ADAMTS2: variants seen among roughly 807,000 people sequenced by gnomAD.
ADAMTS2 encodes the protein A disintegrin and metalloproteinase with thrombospondin motifs 2.
A neutral mutation model predicts 123.0 loss-of-function variants in ADAMTS2; 50 were observed. The ratio of observed to expected loss-of-function variants is 0.41; its 90% CI spans 0.32 to 0.51. The LOEUF (loss-of-function observed/expected upper bound fraction) is 0.51, where lower values mean the gene tolerates loss of function less well. ADAMTS2 is among the 20% of genes least tolerant of loss of function. The pLI is 0.35. For synonymous variants in ADAMTS2, 678 were observed against 695.4 expected (o/e 0.98, Z 0.39); for missense variants, 1,494 against 1,705.2 (o/e 0.88, Z 2.18).
At chr5:179,165,282 C>G (rs1367248869) in intron 5 of ADAMTS2, among the ~76,000 whole-genome samples, 1 of 152,202 alleles carries the variant, frequency 6.6e-6, no homozygotes, top group African/African-American at 2.4e-5. Context: ...ATGTATCAAG[C>G]CTGGGAACTG....
intron 5 of ADAMTS2, among the ~76,000 whole-genome samples, chr5:179,171,746 C>T (rs931114347): frequency 6.6e-6 from 1 of 152,154 alleles, no homozygotes; most frequent in African/African-American, 2.4e-5. Context: ...TTTGCTGAGC[C>T]CCACTCTGGG....
chr5:179,113,288 T>G lies in ADAMTS2; in HGVS notation c.*579A>C. ...AGTGGCAGCAACAGCCAGAACCAAG[T>G]CAGCTCCAGGTGGGTGTGGCTGTCA... On this transcript the variant is annotated 3_prime_UTR_variant, in exon 22 of 22. Transcript: ENST00000251582. 6.1e-6 allele frequency: 1 copy of G among 162,710 alleles called. No individual in the cohort carries two copies. The highest frequency in any genetic ancestry group is 1.4e-5 in the Non-Finnish European group (1 of 73,308). The allele number at this position is 162,710 out of a possible 1,614,324, so 10.1% of individuals were successfully genotyped here.
At chr5:179,235,431 A>G (rs990553547) in intron 3 of ADAMTS2, among the ~76,000 whole-genome samples, 6 of 152,240 alleles carry the variant, frequency 3.9e-5, no homozygotes, top group Non-Finnish European at 8.8e-5. Context: ...GCCAGATGCC[A>G]GCCTATGTGT....
intron 17 of ADAMTS2, among the ~76,000 whole-genome samples, chr5:179,127,737 G>T (rs1762883746): frequency 6.6e-6 from 1 of 152,048 alleles, no homozygotes; most frequent in African/African-American, 2.4e-5. Flanking sequence ...CAGGGTCCAT[G>T]CCCCACACAC....
In ADAMTS2 at chr5:179,185,309, C is replaced by T. The variant is rs767658404; in HGVS notation, c.892-4154G>A. Reference sequence around the variant, plus strand: ...TGGGGTTCAGCTTTGGGGATGAGTGCAGAGAAGGGACGGATGTGAGGGATG... The same window carrying T: ...TGGGGTTCAGCTTTGGGGATGAGTGTAGAGAAGGGACGGATGTGAGGGATG... On this transcript the variant is annotated intron_variant, in intron 4 of 21. Coordinates refer to ENST00000251582, the MANE Select transcript of ADAMTS2 (RefSeq NM_014244.5). The surrounding 1 kb of genome is among the most constrained non-coding windows in gnomAD (Gnocchi z 5.9). 3.9e-5 allele frequency among the ~76,000 whole-genome samples: 6 copies of T among 152,082 alleles called. No individual in the cohort carries two copies. Among genetic ancestry groups the T allele is most frequent in the Non-Finnish European group, 8.8e-5 (6 of 68,008 alleles).
At chr5:179,153,758 C>G in intron 8 of ADAMTS2, 135 bp from the exon 9 acceptor site, 1 of 1,339,708 alleles carries the variant, frequency 7.5e-7, no homozygotes, top group Non-Finnish European at 1.0e-6. Flanking sequence ...TGTGCTGCCT[C>G]AGTTTCCCTG....
intron 5 of ADAMTS2, among the ~76,000 whole-genome samples, chr5:179,161,090 T>A (rs1763583639): frequency 6.6e-6 from 1 of 152,134 alleles, no homozygotes. Flanking sequence ...TTTGTTTCTG[T>A]AGCATAACCT....
intron 2 of ADAMTS2, among the ~76,000 whole-genome samples, chr5:179,283,938 G>A (rs1164016021): frequency 8.1e-6 from 1 of 122,766 alleles, no homozygotes; most frequent in Non-Finnish European, 1.7e-5. Flanking sequence ...ACAATAAATG[G>A]TCAGATGATT....
chr5:179,147,540 G>A (rs913254733), intron 10 of ADAMTS2, among the ~76,000 whole-genome samples: 5 of 152,130 alleles, frequency 3.3e-5, no homozygotes, highest in African/African-American at 1.2e-4. Flanking sequence ...GACAACCTCC[G>A]GTACCGCTGA....
chr5:179,297,464 C>G (rs909568424), intron 2 of ADAMTS2, among the ~76,000 whole-genome samples: 1 of 152,192 alleles, frequency 6.6e-6, no homozygotes, highest in East Asian at 1.9e-4. Context: ...ATGGGGACCC[C>G]CTTCTGCCCC....
At position 179,137,915 on chromosome 5, in the gene ADAMTS2, C is replaced by T; in HGVS notation, c.1805G>A (p.Gly602Asp). The change falls in exon 12 of 22, where the codon GGC becomes GAC. Residue 602 changes from glycine to aspartate, a missense_variant. Physicochemically the swap from Gly to Asp is moderately conservative, Grantham distance 94 (BLOSUM62 -1). This residue lies in a region of ADAMTS2 where 953 missense variants were observed against 1,124.7 expected (regional missense o/e 0.85). Coordinates refer to ENST00000251582, the MANE Select transcript of ADAMTS2 (RefSeq NM_014244.5). The part of the protein sequence containing the change: ...HPANGGRTCS[G>D]LAYDFQLCSR... ...GCAGAGCTGGAAGTCGTAGGCAAGG[C>T]CCGAGCAGGTGCGGCCCCCGTTGGC... 1.3e-6 allele frequency: 2 copies of T among 1,551,206 alleles called. No homozygotes were observed. Among genetic ancestry groups the T allele is most frequent in the East Asian group, 2.4e-5 (1 of 41,150 alleles).
chr5:179,230,254 A>G (rs2113427209), intron 3 of ADAMTS2, among the ~76,000 whole-genome samples: 1 of 152,302 alleles, frequency 6.6e-6, no homozygotes, highest in African/African-American at 2.4e-5. Context: ...GGGGATGCGC[A>G]GAGGCAGAGG....
intron 2 of ADAMTS2, among the ~76,000 whole-genome samples, chr5:179,288,269 C>A (rs768856460): frequency 1.3e-5 from 2 of 152,228 alleles, no homozygotes; most frequent in South Asian, 4.1e-4. Context: ...ATCCAGGGCA[C>A]GCTGACCGCC....
rs1190954101 is a variant in ADAMTS2 at position 179,256,295 on chromosome 5, CG to C, written c.688+16615del. ...CACGGGTGCCCAACAGGAAAGAGGACGGGGGCTTATTATAAGGAAAATAGTG... is the reference window on the plus strand; with the variant it reads ...CACGGGTGCCCAACAGGAAAGAGGACGGGGCTTATTATAAGGAAAATAGTG... On this transcript the variant is annotated intron_variant, in intron 3 of 21. Transcript: ENST00000251582. This position sits in a 1 kb window ranked among gnomAD's most constrained non-coding sequence, Gnocchi z 4.1. Among the ~76,000 whole-genome samples the C allele has an allele frequency of 6.6e-6, 1 of 152,058 alleles. No homozygotes were observed. The highest frequency in any genetic ancestry group is 1.5e-5 in the Non-Finnish European group (1 of 68,028).
intron 2 of ADAMTS2, among the ~76,000 whole-genome samples, chr5:179,301,927 C>T (rs1282821077): frequency 6.6e-6 from 1 of 152,220 alleles, no homozygotes; most frequent in Non-Finnish European, 1.5e-5. Context: ...CGAGGGCAGG[C>T]CCCCAGCTGC....
rs373406403 is a variant in ADAMTS2, at chr5:179,343,998, G to C, written c.303C>G (p.Asn101Lys). ...AGAGGTGACTGCCAGGCTCCTCCTC[G>C]TTGCCTCCGGGGAAGCTCGGGGTCC... ...PVRTPSFPGG[N>K]EEEPGSHLFY... is the part of the protein sequence containing the mutation. The change falls in exon 2 of 22, where the codon AAC (asparagine) becomes AAG (lysine). Residue 101 changes from asparagine (N) to lysine (K), a missense_variant. Coordinates refer to ENST00000251582, the MANE Select transcript of ADAMTS2 (RefSeq NM_014244.5). 2 of 1,612,726 alleles carry C rather than the reference G, an allele frequency of 1.2e-6. No homozygotes were observed. Among genetic ancestry groups the C allele is most frequent in the Non-Finnish European group, 8.5e-7 (1 of 1,179,886 alleles).
At chr5:179,237,328 C>T (rs1765552417) in intron 3 of ADAMTS2, among the ~76,000 whole-genome samples, 1 of 152,194 alleles carries the variant, frequency 6.6e-6, no homozygotes, top group Non-Finnish European at 1.5e-5. Flanking sequence ...TCTCTTGCCC[C>T]TTGCAATGCA....
In ADAMTS2 at chr5:179,113,966, T is replaced by C. The variant is rs941513565; in HGVS notation, c.3537A>G (p.Leu1179=). 1.9e-6 allele frequency: 3 copies of C among 1,613,984 alleles called. No individual in the cohort carries two copies. The highest frequency in any genetic ancestry group is 2.5e-6 in the Non-Finnish European group (3 of 1,180,012). The change falls in exon 22 of 22, where the codon CTA becomes CTG. Residue 1179 remains leucine (L), a synonymous_variant. Coordinates refer to ENST00000251582, the MANE Select transcript of ADAMTS2 (RefSeq NM_014244.5). ...GLEDEVQPPN[L]IPRRPSPYEK... ...CATAGGGGCTCGGTCGTCGAGGGAT[T>C]AGGTTGGGTGGCTGGACTTCATCTT...
chr5:179,234,177 AC>A lies in ADAMTS2; in HGVS notation c.689-26463del, dbSNP rs1765475186. ...CTGCCAGAAGAGACCCTCTCCTGCC[AC>A]AGGCGCCCTCCCCATCAGATGCCAG... On this transcript the variant is annotated intron_variant, in intron 3 of 21. Transcript: ENST00000251582. The surrounding 1 kb of genome is among the most constrained non-coding windows in gnomAD (Gnocchi z 4.7). Among the ~76,000 whole-genome samples the A allele has an allele frequency of 6.6e-6, 1 of 152,056 alleles. No homozygotes were observed. Among genetic ancestry groups the A allele is most frequent in the Non-Finnish European group, 1.5e-5 (1 of 67,992 alleles).
Sources: gnomAD v4.1 joint callset for allele counts (sites outside exome capture counted in the v4.1 genomes callset) on GRCh38, gnomAD v4.1.1 for gene constraint, gnomAD v4.1.1 regional missense constraint, Gnocchi (gnomAD v3.1) non-coding constraint, MANE v1.5 for transcripts, NCBI Gene and HGNC (gene_info 2026-07-23, HGNC 2026-07-21) for gene names.